Variants in FKBP1C observed in about 807,000 individuals in gnomAD.
FKBP1C encodes the protein FKBP prolyl isomerase family member 1C.
A neutral mutation model predicts 7.1 loss-of-function variants in FKBP1C; 7 were observed. That is an observed-to-expected ratio of 0.99 (90% CI 0.56 to 1.86). The LOEUF (loss-of-function observed/expected upper bound fraction) is 1.86, where lower values mean the gene tolerates loss of function less well. FKBP1C is among the 40% of genes most tolerant of loss of function. The probability of loss-of-function intolerance (pLI) is 0.00; values close to 1 mark genes in which losing one functional copy is unlikely to be tolerated. For missense variants in FKBP1C, 159 were observed against 139.9 expected, an observed-to-expected ratio of 1.14 and a Z score of -0.69; for synonymous variants, 56 against 51.2, an observed-to-expected ratio of 1.09 and a Z score of -0.40.
chr6:63,212,226 A>G (rs1247612964), exon 1 of FKBP1C: 1 of 429,896 alleles, frequency 2.3e-6, no homozygotes, highest in Non-Finnish European at 4.3e-6. Context: ...AGCACAAGTG[A>G]TAAGTTAACG....
exon 1 of FKBP1C, chr6:63,212,888 A>C (rs1053491256): frequency 6.0e-6 from 1 of 166,766 alleles, no homozygotes; most frequent in Non-Finnish European, 1.5e-5. Flanking sequence ...TTCCTCCCTC[A>C]GCCACTTCTC....
exon 1 of FKBP1C, chr6:63,211,812 A>G (rs1194576441): frequency 1.9e-6 from 3 of 1,612,992 alleles, no homozygotes; most frequent in Non-Finnish European, 2.5e-6. Flanking sequence ...CTATGGTGCC[A>G]CTGGGCACCC....
exon 1 of FKBP1C, chr6:63,211,573 A>C: frequency 1.4e-6 from 2 of 1,468,884 alleles, no homozygotes; most frequent in Non-Finnish European, 1.9e-6. Flanking sequence ...GTGCACGTGG[A>C]AACCATCTCC....
chr6:63,211,747 T>C (rs1344389270), exon 1 of FKBP1C: 2 of 1,613,982 alleles, frequency 1.2e-6, no homozygotes, highest in South Asian at 2.2e-5. Flanking sequence ...GAAGAAGGGG[T>C]TGTCCAGATG....
chr6:63,211,553 C>A (rs769217252), exon 1 of FKBP1C: 2 of 1,284,876 alleles, frequency 1.6e-6, no homozygotes, highest in Admixed American at 1.9e-5. Context: ...CGTCGGCCGC[C>A]GCCATGGGAG....
chr6:63,212,052 C>T lies in FKBP1C; in HGVS notation c.*169C>T, dbSNP rs796256287. 144 of 778,766 alleles carry T rather than the reference C, an allele frequency of 1.8e-4. No homozygotes were observed. In the African/African-American group the frequency reaches 2.2e-3, roughly 12 times the overall value. 48.2% of individuals were successfully genotyped at this position (778,766 alleles called of 1,614,324 possible). On this transcript the variant is annotated 3_prime_UTR_variant, in exon 1 of 1. Coordinates refer to ENST00000370659, the Ensembl canonical transcript of FKBP1C. The stretch of plus-strand genomic sequence containing the variant: ...GTGTTCTGTCACTCAGCTTTGCTTC[C>T]GACACCTCTGTTTCCTCTTCCCCTT...
chr6:63,211,524 G>A (rs1447292947), exon 1 of FKBP1C: 3 of 901,086 alleles, frequency 3.3e-6, no homozygotes, highest in Non-Finnish European at 5.4e-6. Flanking sequence ...GCCGCCCGTC[G>A]CGCTGCCCGC....
chr6:63,211,599 A>T (rs1347053965), exon 1 of FKBP1C: 1 of 1,564,212 alleles, frequency 6.4e-7, no homozygotes, highest in Non-Finnish European at 8.8e-7. Flanking sequence ...AGACTGGCGC[A>T]CCTTCCCGAA....
chr6:63,211,540 C>A (rs753675341), exon 1 of FKBP1C: 3 of 1,103,308 alleles, frequency 2.7e-6, no homozygotes, highest in South Asian at 1.3e-5. Context: ...CCCGCCCGCT[C>A]GGCGTCGGCC....
exon 1 of FKBP1C, chr6:63,211,641 G>C: frequency 6.2e-7 from 1 of 1,613,740 alleles, no homozygotes; most frequent in African/African-American, 1.3e-5. Context: ...GCACTACACC[G>C]GGATGCTTGA....
Position 63,211,868 on chromosome 6 carries a change from T to G in FKBP1C, c.312T>G (p.Leu104=), listed in dbSNP as rs1001772937. 5 of 1,613,224 alleles carry G rather than the reference T, an allele frequency of 3.1e-6. No homozygotes were observed. In the Admixed American group the frequency reaches 6.7e-5, roughly 22 times the overall value. Residue 104 remains leucine, a synonymous_variant, in exon 1 of 1, where the codon CTT becomes CTG. Coordinates refer to ENST00000370659, the Ensembl canonical transcript of FKBP1C. Reference sequence around the variant, plus strand: ...CCACTCTCGTCTTCGATGTGGAGCTTCTAAAACTGGAATGACAGGAATGGC... The same window carrying G: ...CCACTCTCGTCTTCGATGTGGAGCTGCTAAAACTGGAATGACAGGAATGGC...
chr6:63,212,446 T>C (rs1581986934), exon 1 of FKBP1C: 1 of 171,602 alleles, frequency 5.8e-6, no homozygotes, highest in South Asian at 1.9e-4. Flanking sequence ...GAGGTGGGGA[T>C]GGGGAGAGGC....
exon 1 of FKBP1C, chr6:63,211,547 G>C (rs878960146): frequency 4.2e-6 from 5 of 1,204,804 alleles, no homozygotes; most frequent in African/African-American, 1.5e-5. Flanking sequence ...GCTCGGCGTC[G>C]GCCGCCGCCA....
At chr6:63,211,494 C>G (rs1457528195) in exon 1 of FKBP1C, 2 of 663,472 alleles carry the variant, frequency 3.0e-6, no homozygotes, top group Non-Finnish European at 2.7e-6. Flanking sequence ...GGAACCGCCG[C>G]CAGGTCGCTG....
exon 1 of FKBP1C, chr6:63,211,670 T>C: frequency 6.2e-7 from 1 of 1,614,110 alleles, no homozygotes; most frequent in Non-Finnish European, 8.5e-7. Flanking sequence ...AGAAATTTGA[T>C]TCCTCCCGGG....
chr6:63,212,149 G>A (rs937363565), exon 1 of FKBP1C: 2 of 591,978 alleles, frequency 3.4e-6, no homozygotes, highest in Non-Finnish European at 6.1e-6. Flanking sequence ...TTTTCATTTT[G>A]GGGTGAAGAT....
exon 1 of FKBP1C, chr6:63,211,523 C>G (rs1024585804): frequency 1.1e-6 from 1 of 876,878 alleles, no homozygotes; most frequent in South Asian, 1.4e-5. Context: ...CGCCGCCCGT[C>G]GCGCTGCCCG....
At chr6:63,211,604 C>G in exon 1 of FKBP1C, 2 of 1,584,406 alleles carry the variant, frequency 1.3e-6, no homozygotes, top group South Asian at 1.1e-5. Context: ...GGCGCACCTT[C>G]CCGAAGCGCA....
chr6:63,212,179 T>G, exon 1 of FKBP1C: 1 of 560,114 alleles, frequency 1.8e-6, no homozygotes, highest in Non-Finnish European at 3.3e-6. Flanking sequence ...GTCTTTTGAA[T>G]ATAGGTTTCC....
Sources: gnomAD v4.1 joint callset for allele counts on GRCh38, gnomAD v4.1.1 for gene constraint, MANE v1.5 for transcripts, NCBI Gene and HGNC (gene_info 2026-07-23, HGNC 2026-07-21) for gene names.